RAB5IF: variants seen among roughly 807,000 people sequenced by gnomAD.
The protein encoded by RAB5IF is RAB5 interacting factor.
Under a neutral mutation model 20.3 loss-of-function variants are expected in RAB5IF, and 15 were observed. The ratio of observed to expected loss-of-function variants is 0.74; its 90% CI spans 0.50 to 1.14. The LOEUF is 1.14. Among genes scored for constraint, RAB5IF ranks in the 50% most tolerant of loss-of-function variants. The pLI is 0.00. For synonymous variants in RAB5IF, 67 were observed against 63.7 expected (o/e 1.05, Z -0.25); for missense variants, 148 against 159.5 (o/e 0.93, Z 0.39).
intron 1 of RAB5IF, among the ~76,000 whole-genome samples, 194 bp from the exon 2 acceptor site, chr20:36,607,521 C>G (rs1449894039): frequency 6.6e-6 from 1 of 152,132 alleles, no homozygotes; most frequent in Non-Finnish European, 1.5e-5. Flanking sequence ...TCAGCCACCA[C>G]GCCCAGCCCC....
intron 2 of RAB5IF, among the ~76,000 whole-genome samples, chr20:36,608,824 C>G (rs544311339): frequency 6.6e-6 from 1 of 151,962 alleles, no homozygotes; most frequent in African/African-American, 2.4e-5. Flanking sequence ...CTTGGCCTCC[C>G]AAAGTGCTGG....
chr20:36,609,193 AC>A lies in RAB5IF; in HGVS notation c.219-407del, dbSNP rs1568595454. Among the ~76,000 whole-genome samples the A allele has an allele frequency of 8.9e-3, 554 of 62,280 alleles. 72 individuals are homozygous for A. The highest frequency in any genetic ancestry group is 0.013 in the Non-Finnish European group (427 of 32,716). The allele number at this position is 62,280 out of a possible 152,430, so 40.9% of individuals were successfully genotyped here. ...CACACACACACACACACACACACAC[AC>A]GCACACACGCACACACGCACACACG... is the stretch of plus-strand genomic sequence containing the variant. On this transcript the variant is annotated intron_variant, in intron 2 of 3. Transcript: ENST00000344795.
chr20:36,608,947 A>G (rs2038999490), intron 2 of RAB5IF, among the ~76,000 whole-genome samples: 1 of 151,742 alleles, frequency 6.6e-6, no homozygotes, highest in African/African-American at 2.4e-5. Flanking sequence ...TAGCAATAAC[A>G]GACAGTGGAT....
At chr20:36,610,822 A>G (rs2039092771) in intron 3 of RAB5IF, among the ~76,000 whole-genome samples, 1 of 152,194 alleles carries the variant, frequency 6.6e-6, no homozygotes, top group African/African-American at 2.4e-5. Context: ...CATATGCAAA[A>G]TCTCCACAGT....
At chr20:36,608,702 T>G (rs1215846210) in intron 2 of RAB5IF, among the ~76,000 whole-genome samples, 1 of 151,936 alleles carries the variant, frequency 6.6e-6, no homozygotes, top group East Asian at 1.9e-4. Flanking sequence ...TAGCTGGGAC[T>G]ACAGGTGTCT....
chr20:36,610,236 A>G (rs1021629839), intron 3 of RAB5IF, among the ~76,000 whole-genome samples: 2 of 152,070 alleles, frequency 1.3e-5, no homozygotes, highest in East Asian at 3.9e-4. Flanking sequence ...GTGAGCCAAG[A>G]TCGCGCCATC....
chr20:36,607,374 G>A (rs1332261751), intron 1 of RAB5IF, among the ~76,000 whole-genome samples: 2 of 150,152 alleles, frequency 1.3e-5, no homozygotes, highest in African/African-American at 4.9e-5. Context: ...GATTAAAGGC[G>A]CCCGCCACAA....
intron 3 of RAB5IF, among the ~76,000 whole-genome samples, chr20:36,610,256 C>T (rs561906907): frequency 6.6e-6 from 1 of 151,896 alleles, no homozygotes; most frequent in African/African-American, 2.4e-5. Context: ...CGCATTCTAG[C>T]CTGGGCAACA....
chr20:36,606,083 C>T lies in RAB5IF; in HGVS notation c.114+18C>T. Reference sequence around the variant, plus strand: ...AGGATAAGGTACGGTGGAGTCTGAACAGGGCGCGGGTGCGAGGAGTCGGCT... The same window carrying T: ...AGGATAAGGTACGGTGGAGTCTGAATAGGGCGCGGGTGCGAGGAGTCGGCT... On this transcript the variant is annotated intron_variant, in intron 1 of 3. Coordinates refer to ENST00000344795, the MANE Select transcript of RAB5IF (RefSeq NM_018840.5). 7.2e-7 allele frequency: 1 copy of T among 1,396,352 alleles called. No homozygotes were observed. Among genetic ancestry groups the T allele is most frequent in the Non-Finnish European group, 9.5e-7 (1 of 1,047,168 alleles). The allele number at this position is 1,396,352 out of a possible 1,614,324, so 86.5% of individuals were successfully genotyped here.
At chr20:36,607,934 A>G in intron 2 of RAB5IF, 116 bp downstream of exon 2, 3 of 1,538,034 alleles carry the variant, frequency 2.0e-6, no homozygotes, top group Non-Finnish European at 2.6e-6. Flanking sequence ...TGTGATGACT[A>G]AAGCAAAGAA....
Position 36,612,048 on chromosome 20 carries a change from C to T in RAB5IF, c.387C>T (p.Asp129=), listed in dbSNP as rs1568597537. Residue 129 remains aspartate (D), a synonymous_variant, in exon 4 of 4, where the codon GAC becomes GAT. Transcript: ENST00000344795. ...TCTTTTACACTGCCATCCATTATGA[C>T]TGATGGTGTACAGCTCCCAAGTGCT... ...WIIFYTAIHY[D] is the part of the protein sequence containing the mutation. 4 of 1,614,186 alleles carry T rather than the reference C, an allele frequency of 2.5e-6. No homozygotes were observed. Among genetic ancestry groups the T allele is most frequent in the East Asian group, 4.5e-5 (2 of 44,878 alleles).
rs942316200 is a variant in RAB5IF, at chr20:36,605,844, G to A, written c.-108G>A. On this transcript the variant is annotated 5_prime_UTR_variant, in exon 1 of 4. Transcript: ENST00000344795. ...GAACCGCAGCGCGCCGCAGGACCGG[G>A]CCGCTGAGCCTGCAGCCGCCCCGCG... 7.4e-6 allele frequency: 4 copies of A among 537,794 alleles called. No homozygotes were observed. The highest frequency in any genetic ancestry group is 1.2e-5 in the Non-Finnish European group (4 of 333,712). 33.3% of individuals were successfully genotyped at this position (537,794 alleles called of 1,614,324 possible).
In RAB5IF at chr20:36,612,037, A is replaced by G. The variant is rs2039137194; in HGVS notation, c.376A>G (p.Ile126Val). Reference sequence around the variant, plus strand: ...CATTTGGATCATCTTTTACACTGCCATCCATTATGACTGATGGTGTACAGC... The same window carrying G: ...CATTTGGATCATCTTTTACACTGCCGTCCATTATGACTGATGGTGTACAGC... ...MVIWIIFYTA[I>V]HYD Residue 126 changes from isoleucine (I) to valine (V), a missense_variant, in exon 4 of 4, where the codon ATC (isoleucine) becomes GTC (valine). Ile to Val is a conservative substitution (Grantham distance 29). Coordinates refer to ENST00000344795, the MANE Select transcript of RAB5IF (RefSeq NM_018840.5). 6.2e-7 allele frequency: 1 copy of G among 1,614,162 alleles called. No homozygotes were observed. The highest frequency in any genetic ancestry group is 8.5e-7 in the Non-Finnish European group (1 of 1,180,038).
intron 3 of RAB5IF, among the ~76,000 whole-genome samples, chr20:36,610,396 T>C (rs973179486): frequency 6.6e-5 from 10 of 152,068 alleles, no homozygotes; most frequent in Non-Finnish European, 1.2e-4. Context: ...TAGAATGTTA[T>C]TTGGCCTTAA....
intron 2 of RAB5IF, among the ~76,000 whole-genome samples, chr20:36,609,015 C>A (rs1020563759): frequency 1.3e-5 from 2 of 151,804 alleles, no homozygotes; most frequent in Non-Finnish European, 2.9e-5. Context: ...GCTTGCTCAA[C>A]TAGGCTACGA....
intron 3 of RAB5IF, among the ~76,000 whole-genome samples, chr20:36,610,521 A>G (rs6028347): frequency 0.03 from 4,588 of 151,632 alleles, 229 homozygotes; most frequent in African/African-American, 0.11. Context: ...CTAACATGGT[A>G]AAACCCTGTC....
chr20:36,611,998 TCTC>T lies in RAB5IF; in HGVS notation c.349-8_349-6del, dbSNP rs1432517770. Reference sequence around the variant, plus strand: ...CCAGGTGACCTATGAACAGTGCTTGTCTCCTCACTAGGTCATTTGGATCATCTT... The same window carrying T: ...CCAGGTGACCTATGAACAGTGCTTGTCTCACTAGGTCATTTGGATCATCTT... On this transcript the variant is annotated splice_polypyrimidine_tract_variant and intron_variant, in intron 3 of 3. Coordinates refer to ENST00000344795, the MANE Select transcript of RAB5IF (RefSeq NM_018840.5). 6.2e-7 allele frequency: 1 copy of T among 1,614,128 alleles called. No individual in the cohort carries two copies. Among genetic ancestry groups the T allele is most frequent in the Non-Finnish European group, 8.5e-7 (1 of 1,180,010 alleles).
rs189919335 is a variant in RAB5IF, at chr20:36,611,881, A to G, written c.349-129A>G. 6.5e-6 allele frequency: 8 copies of G among 1,225,952 alleles called. No individual in the cohort carries two copies. In the African/African-American group the frequency reaches 1.2e-4, roughly 18 times the overall value. The allele number at this position is 1,225,952 out of a possible 1,614,324, so 75.9% of individuals were successfully genotyped here. A position where few individuals can be genotyped will look rare whatever the true frequency, so the allele number is the denominator to read the frequency against. ...TTCAGTGAAATAATTTAGACCCCCCAAGCAGACTGTGCAACGGATAGCCCC... is the reference window on the plus strand; with the variant it reads ...TTCAGTGAAATAATTTAGACCCCCCGAGCAGACTGTGCAACGGATAGCCCC... On this transcript the variant is annotated intron_variant, in intron 3 of 3. Coordinates refer to ENST00000344795, the MANE Select transcript of RAB5IF (RefSeq NM_018840.5).
Position 36,605,925 on chromosome 20 carries a change from G to T in RAB5IF, c.-27G>T. On this transcript the variant is annotated 5_prime_UTR_variant, in exon 1 of 4. Coordinates refer to ENST00000344795, the MANE Select transcript of RAB5IF (RefSeq NM_018840.5). ...CTTTGGCTCAGCCCGCGCGCCCCAG[G>T]CCCGGCCCGGGCGGCGCGACGGGAG... 1 of 1,451,282 alleles carries T rather than the reference G, an allele frequency of 6.9e-7. No homozygotes were observed. The highest frequency in any genetic ancestry group is 9.2e-7 in the Non-Finnish European group (1 of 1,088,248). 89.9% of individuals were successfully genotyped at this position (1,451,282 alleles called of 1,614,324 possible).
Sources: gnomAD v4.1 joint callset for allele counts (sites outside exome capture counted in the v4.1 genomes callset) on GRCh38, gnomAD v4.1.1 for gene constraint, MANE v1.5 for transcripts, NCBI Gene and HGNC (gene_info 2026-07-23, HGNC 2026-07-21) for gene names.